The following GRIP1 variants were observed in gnomAD, a reference collection of about 807,000 sequenced individuals.
GRIP1 encodes glutamate receptor interacting protein 1, also known as glutamate receptor-interacting protein 1.
Under a neutral mutation model 129.9 loss-of-function variants are expected in GRIP1, and 45 were observed. The observed-to-expected ratio is 0.35, with a 90% CI of 0.27 to 0.44. The LOEUF is 0.44. Among genes scored for constraint, GRIP1 ranks in the 20% least tolerant of loss-of-function variants. GRIP1 has a pLI of 1.00. For synonymous variants in GRIP1, 530 were observed against 520.8 expected (o/e 1.02, Z -0.24); for missense variants, 1,196 against 1,396.8 (o/e 0.86, Z 2.29).
At chr12:66,607,429 T>C (rs2064587702) in intron 1 of GRIP1, among the ~76,000 whole-genome samples, 1 of 152,228 alleles carries the variant, frequency 6.6e-6, no homozygotes, top group Non-Finnish European at 1.5e-5. Flanking sequence ...TGGTTTATCA[T>C]TTTAAAATGA....
At chr12:66,950,748 T>A (rs1307751144) in intron 1 of GRIP1, among the ~76,000 whole-genome samples, 1 of 152,286 alleles carries the variant, frequency 6.6e-6, no homozygotes, top group East Asian at 1.9e-4. Context: ...ATTTGACACA[T>A]TAATATTCAA....
At chr12:66,403,678 T>C (rs1592777399) in intron 16 of GRIP1, among the ~76,000 whole-genome samples, 1 of 152,132 alleles carries the variant, frequency 6.6e-6, no homozygotes, top group Non-Finnish European at 1.5e-5. Context: ...CAATGGAAGG[T>C]TTAGGATTTT....
intron 16 of GRIP1, among the ~76,000 whole-genome samples, chr12:66,402,832 G>A (rs1383124193): frequency 1.3e-5 from 2 of 152,196 alleles, no homozygotes; most frequent in Non-Finnish European, 2.9e-5. Flanking sequence ...TTCAAAATCA[G>A]TGACTGTCCA....
At chr12:66,538,668 T>A (rs11837641) in intron 4 of GRIP1, among the ~76,000 whole-genome samples, 41,258 of 151,926 alleles carry the variant, frequency 0.27, 5,769 homozygotes, top group Middle Eastern at 0.33. Context: ...AGTGGCGTGA[T>A]CATGTCTCAC....
chr12:66,449,085 A>G (rs1408702174), intron 11 of GRIP1, among the ~76,000 whole-genome samples: 5 of 152,096 alleles, frequency 3.3e-5, no homozygotes, highest in Non-Finnish European at 1.5e-5. Context: ...TGTTTTATCC[A>G]GGCAGAATTA....
At chr12:66,506,990 A>C (rs191893552) in intron 7 of GRIP1, among the ~76,000 whole-genome samples, 94 of 152,320 alleles carry the variant, frequency 6.2e-4, no homozygotes, top group Non-Finnish European at 1.2e-3. Context: ...GACTTCTTTT[A>C]TATAGGGAAA....
At chr12:67,037,338 T>TAATAATAATAATA (rs1346251464) in intron 1 of GRIP1, 1 of 147,110 alleles carries the variant, frequency 6.8e-6, no homozygotes, top group Non-Finnish European at 1.5e-5. Flanking sequence ...AAAATAATAA[T>TAATAATAATAATA]AATAATAATA....
chr12:66,388,790 C>T (rs1299431737), intron 19 of GRIP1, among the ~76,000 whole-genome samples: 1 of 152,200 alleles, frequency 6.6e-6, no homozygotes, highest in Non-Finnish European at 1.5e-5. Context: ...AGTGATAGGG[C>T]CACTGTTTGT....
At chr12:67,045,585 C>A (rs543702479) in intron 1 of GRIP1, among the ~76,000 whole-genome samples, 8 of 152,268 alleles carry the variant, frequency 5.3e-5, no homozygotes, top group African/African-American at 1.9e-4. Flanking sequence ...GCAAATGATA[C>A]ACTGGGAGTA....
rs1185240171 is a variant in GRIP1, at chr12:66,406,312, A to G, written c.1955T>C (p.Leu652Pro). ...ILQQCEDLVK[L>P]KIRKDEDNSD... Reference sequence around the variant, plus strand: ...ATTATCTTCATCTTTGCGGATTTTGAGCTTCACCAGGTCTTCACATTGCTG... The same window carrying G: ...ATTATCTTCATCTTTGCGGATTTTGGGCTTCACCAGGTCTTCACATTGCTG... Residue 652 changes from leucine (L) to proline (P), a missense_variant, in exon 16 of 25, where the codon CTC becomes CCC. Leu to Pro is a moderately conservative substitution (Grantham distance 98). Coordinates refer to ENST00000359742, the MANE Select transcript of GRIP1 (RefSeq NM_001366722.1). 6.2e-7 allele frequency: 1 copy of G among 1,614,108 alleles called. No individual in the cohort carries two copies.
chr12:66,609,566 T>C (rs1279825254), intron 1 of GRIP1, among the ~76,000 whole-genome samples: 2 of 152,202 alleles, frequency 1.3e-5, no homozygotes, highest in African/African-American at 4.8e-5. Flanking sequence ...AGACAAATTA[T>C]TCAGACATAT....
chr12:67,063,336 A>G (rs1259426358), intron 1 of GRIP1, among the ~76,000 whole-genome samples: 2 of 152,194 alleles, frequency 1.3e-5, no homozygotes, highest in African/African-American at 4.8e-5. Flanking sequence ...GTGGTAAGAA[A>G]TTAAATCAGG....
chr12:66,800,552 G>A (rs2038828546), intron 1 of GRIP1, among the ~76,000 whole-genome samples: 1 of 152,092 alleles, frequency 6.6e-6, no homozygotes, highest in Admixed American at 6.6e-5. Flanking sequence ...CTTATAGCTG[G>A]AATATTATCC....
At chr12:66,534,279 T>TG (rs1418128908) in intron 4 of GRIP1, among the ~76,000 whole-genome samples, 7 of 152,214 alleles carry the variant, frequency 4.6e-5, no homozygotes, top group African/African-American at 1.7e-4. Flanking sequence ...TACTGCATAA[T>TG]GACCAAGTCA....
At chr12:66,869,808 G>A (rs1196613619) in intron 1 of GRIP1, among the ~76,000 whole-genome samples, 1 of 152,132 alleles carries the variant, frequency 6.6e-6, no homozygotes, top group African/African-American at 2.4e-5. Flanking sequence ...CAAGTATCAT[G>A]AGGCAGCATT....
intron 1 of GRIP1, among the ~76,000 whole-genome samples, chr12:66,761,800 C>A (rs576552762): frequency 4.6e-5 from 7 of 152,156 alleles, no homozygotes; most frequent in African/African-American, 1.7e-4. Context: ...AAGAATCAAA[C>A]CCCAGCTTCC....
chr12:66,573,011 CT>C (rs2139519754), intron 2 of GRIP1, among the ~76,000 whole-genome samples: 1 of 152,200 alleles, frequency 6.6e-6, no homozygotes, highest in East Asian at 1.9e-4. Flanking sequence ...TATGGCAAAG[CT>C]TCCAGATGCA....
chr12:66,511,687 C>T (rs2060703640), intron 7 of GRIP1, among the ~76,000 whole-genome samples: 1 of 152,254 alleles, frequency 6.6e-6, no homozygotes, highest in South Asian at 2.1e-4. Flanking sequence ...GCATCACAAA[C>T]TCTCAAAATA....
intron 1 of GRIP1, among the ~76,000 whole-genome samples, chr12:66,603,351 G>C (rs918781553): frequency 6.6e-6 from 1 of 152,074 alleles, no homozygotes; most frequent in Non-Finnish European, 1.5e-5. Flanking sequence ...ATTGTTTTAG[G>C]CCTGTGTTAT....
Sources: gnomAD v4.1 joint callset for allele counts (sites outside exome capture counted in the v4.1 genomes callset) on GRCh38, gnomAD v4.1.1 for gene constraint, MANE v1.5 for transcripts, NCBI Gene and HGNC (gene_info 2026-07-23, HGNC 2026-07-21) for gene names.